WDR72: variants seen among roughly 807,000 people sequenced by gnomAD.
WDR72 encodes the protein WD repeat domain 72, also known as WD repeat-containing protein 72.
WDR72 carries 120 observed loss-of-function variants against 124.2 expected under a neutral mutation model. The observed-to-expected ratio is 0.97, with a 90% CI of 0.83 to 1.12. WDR72 has a LOEUF of 1.12. Ranked by LOEUF, WDR72 falls within the 50% of genes most tolerant of loss-of-function variation. The probability of loss-of-function intolerance (pLI) is 0.00; values close to 1 mark genes in which losing one functional copy is unlikely to be tolerated. For synonymous variants in WDR72, 452 were observed against 441.7 expected, an observed-to-expected ratio of 1.02 and a Z score of -0.29; for missense variants, 1,387 against 1,278.8, an observed-to-expected ratio of 1.08 and a Z score of -1.29.
At chr15:53,551,797 G>A (rs1893739661) in intron 18 of WDR72, among the ~76,000 whole-genome samples, 1 of 152,104 alleles carries the variant, frequency 6.6e-6, no homozygotes, top group Non-Finnish European at 1.5e-5. Context: ...AATGAAAGAG[G>A]TGGTAAAATT....
rs1474661726 is a variant in WDR72, at chr15:53,514,143, CA to C, written c.*3555del. The C allele has an allele frequency of 6.6e-6, 1 of 151,952 alleles. No homozygotes were observed. The highest frequency in any genetic ancestry group is 1.5e-5 in the Non-Finnish European group (1 of 67,976). The allele number at this position is 151,952 out of a possible 1,614,324, so 9.4% of individuals were successfully genotyped here. A position where few individuals can be genotyped will look rare whatever the true frequency, so the allele number is the denominator to read the frequency against. Reference sequence around the variant, plus strand: ...TGGTTAAGCTAATTTTTTAAAATTACAAAAAACACTAAGTATTATGCAAATG... The same window carrying C: ...TGGTTAAGCTAATTTTTTAAAATTACAAAAACACTAAGTATTATGCAAATG... On this transcript the variant is annotated 3_prime_UTR_variant, in exon 20 of 20. Coordinates refer to ENST00000360509, the MANE Select transcript of WDR72 (RefSeq NM_182758.4).
chr15:53,725,361 G>A (rs1424379190), intron 2 of WDR72, among the ~76,000 whole-genome samples: 1 of 152,178 alleles, frequency 6.6e-6, no homozygotes, highest in Non-Finnish European at 1.5e-5. Flanking sequence ...TAGTGAGAAT[G>A]CAAAATAGGA....
At chr15:53,602,177 A>T (rs1378619592) in intron 17 of WDR72, among the ~76,000 whole-genome samples, 1 of 152,174 alleles carries the variant, frequency 6.6e-6, no homozygotes, top group Non-Finnish European at 1.5e-5. Context: ...ACTCAAGACT[A>T]AGAAATTCAC....
In WDR72 at chr15:53,526,021, T is replaced by A. The variant is rs139709998; in HGVS notation, c.3149-2699A>T. ...TCTTTTGGGTGTTTCCTGTGATGTT[T>A]CATCACTGAACTCTGACATGATGTG... On this transcript the variant is annotated intron_variant, in intron 18 of 19. Transcript: ENST00000360509. Among the ~76,000 whole-genome samples the A allele has an allele frequency of 6.6e-5, 10 of 152,212 alleles. No homozygotes were observed. In the East Asian group the frequency reaches 1.9e-3, roughly 30 times the overall value.
At chr15:53,581,345 T>C (rs1484861932) in intron 18 of WDR72, among the ~76,000 whole-genome samples, 2 of 152,122 alleles carry the variant, frequency 1.3e-5, no homozygotes, top group Non-Finnish European at 2.9e-5. Context: ...TCCATCTACC[T>C]TAATTTCAAA....
At position 53,615,566 on chromosome 15, in the gene WDR72, A is replaced by G; in HGVS notation, c.2640T>C (p.Asn880=). The change falls in exon 15 of 20, where the codon AAT becomes AAC. Residue 880 remains asparagine, a synonymous_variant. Transcript: ENST00000360509. The stretch of plus-strand genomic sequence containing the variant: ...CCAATCCTCTTGGAATTCCAACCTG[A>G]TTTGGAAGAGTGGCTGTGTATTTAT... ...LSDKYTATLP[N]QVGIPRGLEN... is the part of the protein sequence containing the mutation. The G allele has an allele frequency of 1.2e-6, 2 of 1,613,118 alleles. No individual in the cohort carries two copies. The highest frequency in any genetic ancestry group is 1.7e-6 in the Non-Finnish European group (2 of 1,179,476).
intron 13 of WDR72, among the ~76,000 whole-genome samples, chr15:53,699,173 T>C (rs2017091823): frequency 6.6e-6 from 1 of 152,218 alleles, no homozygotes; most frequent in Admixed American, 6.5e-5. Flanking sequence ...TTATTTGATA[T>C]GTTCCAGCAT....
chr15:53,602,579 T>C (rs967603685), intron 17 of WDR72, among the ~76,000 whole-genome samples: 1 of 151,430 alleles, frequency 6.6e-6, no homozygotes, highest in Non-Finnish European at 1.5e-5. Context: ...TAAAATAAAA[T>C]AGATCACTCA....
At chr15:53,537,072 C>T (rs979898212) in intron 18 of WDR72, among the ~76,000 whole-genome samples, 1 of 152,158 alleles carries the variant, frequency 6.6e-6, no homozygotes, top group Non-Finnish European at 1.5e-5. Flanking sequence ...GCTCCTTAAT[C>T]TCACATTAAA....
At chr15:53,578,867 G>C (rs2011763812) in intron 18 of WDR72, among the ~76,000 whole-genome samples, 2 of 152,126 alleles carry the variant, frequency 1.3e-5, no homozygotes, top group Non-Finnish European at 2.9e-5. Context: ...GTCTCAAGGT[G>C]ACATTGCTGA....
chr15:53,722,047 A>T (rs1176391373), intron 3 of WDR72, among the ~76,000 whole-genome samples: 2 of 150,574 alleles, frequency 1.3e-5, no homozygotes, highest in South Asian at 2.1e-4. Context: ...TTTTATTTTT[A>T]TTTATTTATT....
chr15:53,674,207 T>A (rs2016087934), intron 13 of WDR72, among the ~76,000 whole-genome samples: 1 of 152,008 alleles, frequency 6.6e-6, no homozygotes, highest in Non-Finnish European at 1.5e-5. Context: ...TCAAAGTGAC[T>A]CTCTCTGAAA....
chr15:53,531,415 A>G (rs1035585009), intron 18 of WDR72, among the ~76,000 whole-genome samples: 3 of 152,088 alleles, frequency 2.0e-5, no homozygotes, highest in African/African-American at 7.2e-5. Flanking sequence ...ACACATCTCA[A>G]TGTAGGCACT....
At chr15:53,624,978 T>A (rs2014146288) in intron 14 of WDR72, among the ~76,000 whole-genome samples, 1 of 152,234 alleles carries the variant, frequency 6.6e-6, no homozygotes, top group Non-Finnish European at 1.5e-5. Flanking sequence ...TAGCAAAGGC[T>A]GTAGTTAATA....
At chr15:53,680,730 C>G (rs1028281493) in intron 13 of WDR72, among the ~76,000 whole-genome samples, 4 of 152,200 alleles carry the variant, frequency 2.6e-5, no homozygotes, top group Admixed American at 2.0e-4. Flanking sequence ...AACTGATGAA[C>G]TGTAAGATGG....
intron 9 of WDR72, among the ~76,000 whole-genome samples, chr15:53,706,468 A>G (rs946192112): frequency 6.7e-6 from 1 of 148,930 alleles, no homozygotes; most frequent in Non-Finnish European, 1.5e-5. Context: ...AACCCTATAA[A>G]ATTGGTACTA....
At chr15:53,645,379 G>A (rs1017798246) in intron 14 of WDR72, among the ~76,000 whole-genome samples, 5 of 152,120 alleles carry the variant, frequency 3.3e-5, no homozygotes, top group East Asian at 1.9e-4. Flanking sequence ...GATTTAAAGC[G>A]TATAATCTGA....
chr15:53,759,608 TGCGCTCTG>T lies in WDR72; in HGVS notation c.-13+17_-13+24del, dbSNP rs2019015238. On this transcript the variant is annotated intron_variant, in intron 1 of 19. Coordinates refer to ENST00000360509, the MANE Select transcript of WDR72 (RefSeq NM_182758.4). ...CAGCCTGGGACCCGGCAGCCCGACC[TGCGCTCTG>T]GGGGTGCCTGCCTTACCTGAGCCGT... 1 of 152,472 alleles carries T rather than the reference TGCGCTCTG, an allele frequency of 6.6e-6. No individual in the cohort carries two copies. The highest frequency in any genetic ancestry group is 2.4e-5 in the African/African-American group (1 of 41,450). 9.4% of individuals were successfully genotyped at this position (152,472 alleles called of 1,614,324 possible).
At chr15:53,608,310 C>T (rs778281831) in intron 17 of WDR72, among the ~76,000 whole-genome samples, 22 of 152,110 alleles carry the variant, frequency 1.4e-4, no homozygotes, top group Non-Finnish European at 2.9e-4. Flanking sequence ...AAACATGGTA[C>T]ACATACACAA....
Sources: gnomAD v4.1 joint callset for allele counts (sites outside exome capture counted in the v4.1 genomes callset) on GRCh38, gnomAD v4.1.1 for gene constraint, MANE v1.5 for transcripts, NCBI Gene and HGNC (gene_info 2026-07-23, HGNC 2026-07-21) for gene names.